The following SMYD3 variants were observed in gnomAD, a reference collection of about 807,000 sequenced individuals.
SMYD3 encodes the protein histone-lysine N-methyltransferase SMYD3.
SMYD3 carries 36 observed loss-of-function variants against 57.7 expected under a neutral mutation model. The ratio of observed to expected loss-of-function variants is 0.62; its 90% CI spans 0.48 to 0.82. The LOEUF is 0.82. Among genes scored for constraint, SMYD3 ranks in the 40% least tolerant of loss-of-function variants. SMYD3 has a pLI of 0.00. For missense variants in SMYD3, 515 were observed against 538.8 expected, an observed-to-expected ratio of 0.96 and a Z score of 0.44; for synonymous variants, 211 against 195.0, an observed-to-expected ratio of 1.08 and a Z score of -0.68.
At chr1:246,442,345 T>G (rs1468608060) in intron 1 of SMYD3, among the ~76,000 whole-genome samples, 1 of 152,046 alleles carries the variant, frequency 6.6e-6, no homozygotes, top group Non-Finnish European at 1.5e-5. Context: ...GGTCACGAGT[T>G]CAAGACCAGC....
chr1:245,798,407 T>TAAACAC (rs2047665925), intron 10 of SMYD3, among the ~76,000 whole-genome samples: 6 of 16,320 alleles, frequency 3.7e-4, no homozygotes, highest in Admixed American at 2.2e-3. Context: ...CACACACACA[T>TAAACAC]ACACACACAT....
chr1:246,237,916 T>C (rs2063537428), intron 5 of SMYD3, among the ~76,000 whole-genome samples: 1 of 152,202 alleles, frequency 6.6e-6, no homozygotes, highest in Non-Finnish European at 1.5e-5. Context: ...CCTTTAAATG[T>C]TTAAGCTTTT....
chr1:246,224,150 C>T (rs1430752196), intron 5 of SMYD3, among the ~76,000 whole-genome samples: 3 of 151,858 alleles, frequency 2.0e-5, no homozygotes, highest in Non-Finnish European at 4.4e-5. Context: ...AGCTCAGAGA[C>T]GATGAACAGA....
intron 1 of SMYD3, among the ~76,000 whole-genome samples, chr1:246,504,414 C>T (rs1471403320): frequency 6.6e-6 from 1 of 152,136 alleles, no homozygotes; most frequent in Non-Finnish European, 1.5e-5. Flanking sequence ...TGTTACTGTA[C>T]TGAATACTGT....
At chr1:245,804,815 G>A (rs959947027) in intron 10 of SMYD3, among the ~76,000 whole-genome samples, 4 of 152,146 alleles carry the variant, frequency 2.6e-5, no homozygotes, top group East Asian at 1.9e-4. Flanking sequence ...CTCACCAGGC[G>A]CTGAACCTGC....
At chr1:246,089,400 T>C in intron 5 of SMYD3, among the ~76,000 whole-genome samples, 1 of 152,198 alleles carries the variant, frequency 6.6e-6, no homozygotes, top group East Asian at 1.9e-4. Flanking sequence ...TAGCACTTCA[T>C]GTTATTATAT....
At position 245,985,626 on chromosome 1, in the gene SMYD3, G is replaced by A. The variant is rs555116881; in HGVS notation, c.532-55689C>T. Among the ~76,000 whole-genome samples the A allele has an allele frequency of 5.3e-5, 8 of 152,100 alleles. No individual in the cohort carries two copies. The South Asian group carries it at 6.3e-4, about 12-fold the overall frequency. ...TCTCCAAGACTGTTGCTCCAACTTC[G>A]GTCAACATCATAATACTTGGTTCTT... On this transcript the variant is annotated intron_variant, in intron 5 of 11. Coordinates refer to ENST00000490107, the MANE Select transcript of SMYD3 (RefSeq NM_001167740.2).
intron 5 of SMYD3, among the ~76,000 whole-genome samples, chr1:246,306,971 G>A (rs1399006456): frequency 6.6e-6 from 1 of 150,548 alleles, no homozygotes; most frequent in Non-Finnish European, 1.5e-5. Flanking sequence ...ACATAGGGGA[G>A]GATGGGTTTT....
chr1:245,845,326 G>C (rs2050612067), intron 10 of SMYD3, among the ~76,000 whole-genome samples: 1 of 152,172 alleles, frequency 6.6e-6, no homozygotes, highest in Non-Finnish European at 1.5e-5. Context: ...TCCATCCATA[G>C]GAAATGTGCC....
intron 1 of SMYD3, among the ~76,000 whole-genome samples, chr1:246,453,352 G>C (rs1439613644): frequency 6.6e-6 from 1 of 152,152 alleles, no homozygotes; most frequent in Non-Finnish European, 1.5e-5. Context: ...AAATTCAAGG[G>C]AGAAAAAAGT....
At chr1:245,812,961 T>A (rs1027209991) in intron 10 of SMYD3, among the ~76,000 whole-genome samples, 5 of 142,834 alleles carry the variant, frequency 3.5e-5, no homozygotes, top group African/African-American at 1.3e-4. Flanking sequence ...GGTGAGGAGG[T>A]GAGGAGGAGA....
chr1:246,315,823 T>G (rs909743377), intron 5 of SMYD3, among the ~76,000 whole-genome samples: 1 of 152,234 alleles, frequency 6.6e-6, no homozygotes, highest in African/African-American at 2.4e-5. Flanking sequence ...TTAAGATGCT[T>G]TAAAAGAATC....
intron 10 of SMYD3, among the ~76,000 whole-genome samples, chr1:245,807,996 T>C (rs1235538045): frequency 6.6e-6 from 1 of 152,142 alleles, no homozygotes; most frequent in Non-Finnish European, 1.5e-5. Context: ...AGTATTCTCC[T>C]CTTCTGCCAC....
At chr1:246,117,174 G>C (rs1390081394) in intron 5 of SMYD3, among the ~76,000 whole-genome samples, 1 of 152,150 alleles carries the variant, frequency 6.6e-6, no homozygotes, top group African/African-American at 2.4e-5. Context: ...TATCCACTTC[G>C]CAGTATCTGT....
At chr1:246,069,048 T>C (rs1419742674) in intron 5 of SMYD3, among the ~76,000 whole-genome samples, 2 of 152,178 alleles carry the variant, frequency 1.3e-5, no homozygotes, top group Non-Finnish European at 2.9e-5. Flanking sequence ...AAATATAACA[T>C]GACAAAGGCG....
intron 1 of SMYD3, among the ~76,000 whole-genome samples, chr1:246,411,502 G>A (rs1213687718): frequency 6.6e-6 from 1 of 152,140 alleles, no homozygotes; most frequent in East Asian, 1.9e-4. Context: ...TATAAATCAT[G>A]CTGCTATAAA....
chr1:246,322,998 G>A (rs1326934200), intron 5 of SMYD3, among the ~76,000 whole-genome samples: 1 of 152,164 alleles, frequency 6.6e-6, no homozygotes, highest in Non-Finnish European at 1.5e-5. Flanking sequence ...TCCCTCAGGA[G>A]GTTGGAGGAA....
At chr1:245,759,626 G>A (rs1218515658) in intron 11 of SMYD3, among the ~76,000 whole-genome samples, 3 of 152,190 alleles carry the variant, frequency 2.0e-5, no homozygotes, top group African/African-American at 4.8e-5. Flanking sequence ...GCCGATGCAG[G>A]AATACAAGGA....
intron 5 of SMYD3, among the ~76,000 whole-genome samples, chr1:246,252,442 G>C (rs1330980351): frequency 6.6e-6 from 1 of 152,188 alleles, no homozygotes; most frequent in African/African-American, 2.4e-5. Context: ...ACACGGAGAT[G>C]AGTGAATTTG....
Sources: allele counts gnomAD v4.1 joint callset (sites outside exome capture counted in the v4.1 genomes callset), GRCh38; gene constraint gnomAD v4.1.1; transcripts MANE v1.5; gene names NCBI Gene and HGNC (gene_info 2026-07-23, HGNC 2026-07-21).